Variants in SLC2A9 observed in about 807,000 individuals in gnomAD.
SLC2A9 encodes solute carrier family 2, facilitated glucose transporter member 9.
SLC2A9 carries 39 observed loss-of-function variants against 50.6 expected under a neutral mutation model. The observed-to-expected ratio is 0.77, with a 90% CI of 0.60 to 1.01. The LOEUF (loss-of-function observed/expected upper bound fraction) is 1.01. SLC2A9 is among the 50% of genes least tolerant of loss of function. The pLI is 0.00. For missense variants in SLC2A9, 686 were observed against 677.6 expected, an observed-to-expected ratio of 1.01 and a Z score of -0.14; for synonymous variants, 324 against 276.9, an observed-to-expected ratio of 1.17 and a Z score of -1.69.
At chr4:9,826,779 A>G (rs1217825452) in intron 11 of SLC2A9, among the ~76,000 whole-genome samples, 179 bp from the exon 12 acceptor site, 1 of 152,248 alleles carries the variant, frequency 6.6e-6, no homozygotes, top group Non-Finnish European at 1.5e-5. Context: ...GTTATCACAT[A>G]AGGCTTGAAT....
intron 8 of SLC2A9, among the ~76,000 whole-genome samples, chr4:9,895,237 T>A (rs1738315075): frequency 1.3e-5 from 2 of 152,096 alleles, no homozygotes; most frequent in South Asian, 4.2e-4. Context: ...CTGAACACAT[T>A]CTCCCTGATT....
intron 5 of SLC2A9, among the ~76,000 whole-genome samples, chr4:9,971,356 TA>T (rs1290230243): frequency 1.3e-5 from 2 of 152,246 alleles, no homozygotes; most frequent in Admixed American, 6.5e-5. Context: ...TTAAACCTTG[TA>T]CCTATTACTT....
At chr4:9,771,518 A>G in intron 1 of SLC2A9, 1 of 398,824 alleles carries the variant, frequency 2.5e-6, no homozygotes, top group Non-Finnish European at 4.4e-6. Context: ...TAGAGAGTGC[A>G]CAGATAGCTG....
chr4:9,894,038 G>A, intron 8 of SLC2A9, among the ~76,000 whole-genome samples: 1 of 152,160 alleles, frequency 6.6e-6, no homozygotes, highest in Non-Finnish European at 1.5e-5. Flanking sequence ...TTTACACCAA[G>A]GGGCAGTTGC....
At chr4:9,971,058 A>G (rs1753835962) in intron 5 of SLC2A9, among the ~76,000 whole-genome samples, 1 of 152,114 alleles carries the variant, frequency 6.6e-6, no homozygotes. Flanking sequence ...GTGAGCCCCT[A>G]AAAAGGACAG....
At chr4:10,004,089 G>A (rs1184078090) in intron 2 of SLC2A9, among the ~76,000 whole-genome samples, 1 of 152,182 alleles carries the variant, frequency 6.6e-6, no homozygotes, top group Non-Finnish European at 1.5e-5. Context: ...TCTAAGTGTA[G>A]AAAATATAAA....
chr4:9,798,722 T>A (rs1720914904), downstream of SLC2A9: 1 of 149,228 alleles, frequency 6.7e-6, no homozygotes, highest in African/African-American at 2.4e-5. Flanking sequence ...CAAACTTGAG[T>A]ATCAAAGTCA....
intron 8 of SLC2A9, among the ~76,000 whole-genome samples, chr4:9,894,045 T>G (rs1471907888): frequency 6.6e-6 from 1 of 152,186 alleles, no homozygotes; most frequent in East Asian, 1.9e-4. Context: ...CAAGGGGCAG[T>G]TGCAAACGTC....
At chr4:9,932,853 G>T (rs1746388671) in intron 6 of SLC2A9, among the ~76,000 whole-genome samples, 1 of 152,232 alleles carries the variant, frequency 6.6e-6, no homozygotes, top group African/African-American at 2.4e-5. Context: ...TGCTAGCAGA[G>T]TCCTGTTAGA....
chr4:9,794,674 G>T (rs1405577412), downstream of SLC2A9, among the ~76,000 whole-genome samples: 1 of 152,160 alleles, frequency 6.6e-6, no homozygotes, highest in Non-Finnish European at 1.5e-5. Context: ...AAACTCACAG[G>T]CTCTGAAGAT....
chr4:9,852,451 AC>A, intron 10 of SLC2A9, among the ~76,000 whole-genome samples: 1 of 151,812 alleles, frequency 6.6e-6, no homozygotes, highest in African/African-American at 2.4e-5. Context: ...ACGGGGTTTC[AC>A]CTTGTTAGCC....
intron 10 of SLC2A9, among the ~76,000 whole-genome samples, chr4:9,865,871 G>T (rs1560209753): frequency 6.6e-6 from 1 of 152,236 alleles, no homozygotes; most frequent in African/African-American, 2.4e-5. Flanking sequence ...CAGGAACACT[G>T]GTTTGCAGGA....
At chr4:9,891,811 G>C (rs1737497461) in intron 8 of SLC2A9, among the ~76,000 whole-genome samples, 1 of 152,196 alleles carries the variant, frequency 6.6e-6, no homozygotes, top group South Asian at 2.1e-4. Context: ...GGATTAGTGG[G>C]GGAAAAGGTT....
At chr4:9,842,844 T>A (rs1004082383) in intron 10 of SLC2A9, among the ~76,000 whole-genome samples, 2 of 152,174 alleles carry the variant, frequency 1.3e-5, no homozygotes, top group Non-Finnish European at 2.9e-5. Flanking sequence ...CTATTCTGGA[T>A]TGCCCCAGAA....
intron 3 of SLC2A9, among the ~76,000 whole-genome samples, chr4:9,988,371 G>C (rs1411336611): frequency 1.3e-5 from 2 of 152,336 alleles, no homozygotes; most frequent in African/African-American, 4.8e-5. Flanking sequence ...CTGCATGAAA[G>C]GTTTGTGAGA....
chr4:9,873,168 G>GTTA (rs1236147455), intron 10 of SLC2A9, among the ~76,000 whole-genome samples: 1 of 152,130 alleles, frequency 6.6e-6, no homozygotes, highest in African/African-American at 2.4e-5. Flanking sequence ...TGTTATTGAA[G>GTTA]GTAAGATCCC....
At chr4:9,974,408 G>A (rs1578147191) in intron 5 of SLC2A9, among the ~76,000 whole-genome samples, 1 of 152,032 alleles carries the variant, frequency 6.6e-6, no homozygotes, top group African/African-American at 2.4e-5. Context: ...GGGGATTTCA[G>A]GAAAGTTTCA....
At chr4:9,813,778 G>A (rs6841397) in intron 3 of SLC2A9, among the ~76,000 whole-genome samples, 69,565 of 151,888 alleles carry the variant, frequency 0.46, 19,394 homozygotes, top group Non-Finnish European at 0.64. Context: ...AATTCTAGAG[G>A]CAAGGGTGCC....
chr4:9,879,427 T>C (rs1168353443), intron 10 of SLC2A9: 5 of 985,124 alleles, frequency 5.1e-6, no homozygotes, highest in Non-Finnish European at 6.0e-6. Flanking sequence ...AGGGGGCAGC[T>C]GCCTGTGGCT....
Sources: gnomAD v4.1 joint callset for allele counts (sites outside exome capture counted in the v4.1 genomes callset) on GRCh38, gnomAD v4.1.1 for gene constraint, MANE v1.5 for transcripts, NCBI Gene and HGNC (gene_info 2026-07-23, HGNC 2026-07-21) for gene names.